Variants in SLC38A1 observed in about 807,000 individuals in gnomAD.
The protein encoded by SLC38A1 is solute carrier family 38 member 1.
A neutral mutation model predicts 60.3 loss-of-function variants in SLC38A1; 18 were observed. The ratio of observed to expected loss-of-function variants is 0.30; its 90% CI spans 0.21 to 0.44. The LOEUF (loss-of-function observed/expected upper bound fraction) is 0.44, where lower values mean the gene tolerates loss of function less well. Among genes scored for constraint, SLC38A1 ranks in the 20% least tolerant of loss-of-function variants. SLC38A1 has a pLI of 1.00. For missense variants in SLC38A1, 448 were observed against 587.2 expected (o/e 0.76, Z 2.45); for synonymous variants, 196 against 212.1 (o/e 0.92, Z 0.66).
intron 16 of SLC38A1, among the ~76,000 whole-genome samples, chr12:46,192,881 C>G (rs1939202975): frequency 6.6e-6 from 1 of 152,100 alleles, no homozygotes; most frequent in Non-Finnish European, 1.5e-5. Context: ...TTCAAAAAAC[C>G]AGCTCCTGGA....
rs533020606 is a variant in SLC38A1, at chr12:46,245,195, G to T, written c.-208-1881C>A. Reference sequence around the variant, plus strand: ...CCACATACACTTAATTCTAAAACTTGTTATGAATCATCATTGGTTTTTTAT... The same window carrying T: ...CCACATACACTTAATTCTAAAACTTTTTATGAATCATCATTGGTTTTTTAT... On this transcript the variant is annotated intron_variant, in intron 1 of 16. Coordinates refer to ENST00000398637, the MANE Select transcript of SLC38A1 (RefSeq NM_030674.4). Among the ~76,000 whole-genome samples, 24 of 152,242 alleles carry T rather than the reference G, an allele frequency of 1.6e-4. No individual in the cohort carries two copies. The South Asian group carries it at 5.0e-3, about 32-fold the overall frequency.
At chr12:46,209,189 G>C in intron 5 of SLC38A1, 62 bp from the exon 6 acceptor site, 3 of 1,172,666 alleles carry the variant, frequency 2.6e-6, no homozygotes, top group Non-Finnish European at 3.7e-6. Context: ...TGGCATTACA[G>C]TTTAGAAGGG....
chr12:46,236,670 A>G, intron 3 of SLC38A1, among the ~76,000 whole-genome samples: 1 of 152,218 alleles, frequency 6.6e-6, no homozygotes, highest in East Asian at 1.9e-4. Context: ...ACACTAGGAT[A>G]GGCAGAAGGA....
chr12:46,213,412 T>G lies in SLC38A1; in HGVS notation c.315-4285A>C, dbSNP rs746125272. On this transcript the variant is annotated intron_variant, in intron 5 of 16. Transcript: ENST00000398637. The stretch of plus-strand genomic sequence containing the variant: ...TCAAGTCTCATGATCTCTTCTTAAA[T>G]TGTTGATCCTTTTTACTTATATATC... Among the ~76,000 whole-genome samples, 32 of 152,238 alleles carry G rather than the reference T, an allele frequency of 2.1e-4. 1 individual carries two copies. The highest frequency in any genetic ancestry group is 2.8e-4 in the Non-Finnish European group (19 of 68,048).
chr12:46,244,566 G>A (rs1411990917), intron 1 of SLC38A1, among the ~76,000 whole-genome samples: 1 of 152,222 alleles, frequency 6.6e-6, no homozygotes, highest in Non-Finnish European at 1.5e-5. Flanking sequence ...AGGTAGCCCT[G>A]GAGCCAACAG....
chr12:46,268,078 C>G lies in SLC38A1; in HGVS notation c.-209+448G>C, dbSNP rs1942418807. 6.6e-6 allele frequency among the ~76,000 whole-genome samples: 1 copy of G among 152,186 alleles called. No homozygotes were observed. Among genetic ancestry groups the G allele is most frequent in the Admixed American group, 6.5e-5 (1 of 15,286 alleles). ...GGACATCACACGATCTCCTCTGGGC[C>G]TTGCGGACACAGGAAATTTTCACCA... is the stretch of plus-strand genomic sequence containing the variant. On this transcript the variant is annotated intron_variant, in intron 1 of 16. Coordinates refer to ENST00000398637, the MANE Select transcript of SLC38A1 (RefSeq NM_030674.4). The surrounding 1 kb of genome is among the most constrained non-coding windows in gnomAD (Gnocchi z 4.4).
intron 1 of SLC38A1, among the ~76,000 whole-genome samples, chr12:46,249,739 A>T (rs1592145426): frequency 6.6e-6 from 1 of 152,250 alleles, no homozygotes; most frequent in East Asian, 1.9e-4. Context: ...AAAATCTAGG[A>T]AAAATGGCTG....
intron 1 of SLC38A1, among the ~76,000 whole-genome samples, chr12:46,260,704 C>G (rs1267495421): frequency 1.3e-5 from 2 of 152,204 alleles, no homozygotes; most frequent in Non-Finnish European, 2.9e-5. Context: ...CCTTGTCACT[C>G]AGACTTGAAA....
At position 46,188,069 on chromosome 12, in the gene SLC38A1, A is replaced by T. The variant is rs1938999635; in HGVS notation, c.*901T>A. 2 of 152,188 alleles carry T rather than the reference A, an allele frequency of 1.3e-5. No homozygotes were observed. Among genetic ancestry groups the T allele is most frequent in the Non-Finnish European group, 2.9e-5 (2 of 68,024 alleles). The allele number at this position is 152,188 out of a possible 1,614,324, so 9.4% of individuals were successfully genotyped here. Reference sequence around the variant, plus strand: ...AAAACATTTTTCTCCCTTCAGCAAGACAGGTAGGGTTGAAGGCTAAATGCA... The same window carrying T: ...AAAACATTTTTCTCCCTTCAGCAAGTCAGGTAGGGTTGAAGGCTAAATGCA... On this transcript the variant is annotated 3_prime_UTR_variant, in exon 17 of 17. Transcript: ENST00000398637.
At position 46,246,166 on chromosome 12, in the gene SLC38A1, T is replaced by A. The variant is rs371760816; in HGVS notation, c.-208-2852A>T. Among the ~76,000 whole-genome samples, 25 of 152,266 alleles carry A rather than the reference T, an allele frequency of 1.6e-4. No individual in the cohort carries two copies. The East Asian group carries it at 3.5e-3, about 21-fold the overall frequency. On this transcript the variant is annotated intron_variant, in intron 1 of 16. Transcript: ENST00000398637. ...TCATTGGGACTGGTTGGACAGTGGG[T>A]ACAGCCCACAGAGGGTGAGGCGAAG... is the stretch of plus-strand genomic sequence containing the variant.
At position 46,191,351 on chromosome 12, in the gene SLC38A1, T is replaced by C. The variant is rs569939677; in HGVS notation, c.1363-2280A>G. On this transcript the variant is annotated intron_variant, in intron 16 of 16. Transcript: ENST00000398637. ...CGTTACTGTAGCCTTGTAGTACAGT[T>C]TGAAGTCAGGTAGCATGATGCCTCC... is the stretch of plus-strand genomic sequence containing the variant. 6.8e-4 allele frequency among the ~76,000 whole-genome samples: 103 copies of C among 152,314 alleles called. 1 individual carries two copies. The highest frequency in any genetic ancestry group is 6.7e-3 in the Admixed American group (102 of 15,298).
At position 46,184,190 on chromosome 12, in the gene SLC38A1, T is replaced by C. The variant is rs993007404; in HGVS notation, c.*4780A>G. On this transcript the variant is annotated 3_prime_UTR_variant, in exon 17 of 17. Coordinates refer to ENST00000398637, the MANE Select transcript of SLC38A1 (RefSeq NM_030674.4). ...ACATATTTTGCAAGAACTTTCTCTT[T>C]GAGATTTAGTGATAGTTTTTAGTTG... 6.6e-6 allele frequency: 1 copy of C among 152,442 alleles called. No homozygotes were observed. Among genetic ancestry groups the C allele is most frequent in the Non-Finnish European group, 1.5e-5 (1 of 68,032 alleles). 9.4% of individuals were successfully genotyped at this position (152,442 alleles called of 1,614,324 possible). A position where few individuals can be genotyped will look rare whatever the true frequency, so the allele number is the denominator to read the frequency against.
intron 11 of SLC38A1, among the ~76,000 whole-genome samples, chr12:46,203,336 C>G (rs1382715243): frequency 6.6e-6 from 1 of 152,120 alleles, no homozygotes; most frequent in South Asian, 2.1e-4. Flanking sequence ...ATTTTATATA[C>G]TCCAGGTATA....
chr12:46,265,014 G>C (rs1592164797), intron 1 of SLC38A1, among the ~76,000 whole-genome samples: 2 of 152,298 alleles, frequency 1.3e-5, no homozygotes, highest in African/African-American at 4.8e-5. Flanking sequence ...CAGAATTTCA[G>C]AGGTAAAGGG....
chr12:46,215,882 T>TA (rs1940390217), intron 5 of SLC38A1, among the ~76,000 whole-genome samples: 1 of 152,238 alleles, frequency 6.6e-6, no homozygotes, highest in Non-Finnish European at 1.5e-5. Flanking sequence ...TCTTTATTAC[T>TA]AGTCCTCCTT....
At chr12:46,247,631 A>G (rs1470438825) in intron 1 of SLC38A1, among the ~76,000 whole-genome samples, 1 of 152,232 alleles carries the variant, frequency 6.6e-6, no homozygotes, top group Non-Finnish European at 1.5e-5. Flanking sequence ...GTTCAGGAGA[A>G]CTTCCACAAC....
intron 8 of SLC38A1, 81 bp from the exon 9 acceptor site, chr12:46,206,243 A>C: frequency 1.4e-6 from 1 of 709,638 alleles, no homozygotes; most frequent in Non-Finnish European, 2.3e-6. Context: ...TCATGATATC[A>C]TGATATATAT....
At chr12:46,191,132 G>GT (rs1939127619) in intron 16 of SLC38A1, among the ~76,000 whole-genome samples, 1 of 152,170 alleles carries the variant, frequency 6.6e-6, no homozygotes, top group South Asian at 2.1e-4. Flanking sequence ...AAGGGATTCA[G>GT]TTTCAGCTTT....
Position 46,207,517 on chromosome 12 carries a change from T to G in SLC38A1, c.481+12A>C. ...GTTTCAAGTTATGTAAAGAAAAGCA[T>G]GTTCTTTTTACCTCCAGTGTTCTGT... On this transcript the variant is annotated intron_variant, in intron 7 of 16. Transcript: ENST00000398637. 6.2e-7 allele frequency: 1 copy of G among 1,609,672 alleles called. No homozygotes were observed. The highest frequency in any genetic ancestry group is 1.3e-5 in the African/African-American group (1 of 74,960).
Sources: allele counts gnomAD v4.1 joint callset (sites outside exome capture counted in the v4.1 genomes callset), GRCh38; gene constraint gnomAD v4.1.1; non-coding constraint Gnocchi (gnomAD v3.1); transcripts MANE v1.5; gene names NCBI Gene and HGNC (gene_info 2026-07-23, HGNC 2026-07-21).